The following DNER variants were observed in gnomAD, a reference collection of about 807,000 sequenced individuals.
DNER encodes delta and Notch-like epidermal growth factor-related receptor.
Under a neutral mutation model 78.2 loss-of-function variants are expected in DNER, and 33 were observed. The ratio of observed to expected loss-of-function variants is 0.42; its 90% CI spans 0.32 to 0.56. The LOEUF (loss-of-function observed/expected upper bound fraction) is 0.56, where lower values mean the gene tolerates loss of function less well. Among genes scored for constraint, DNER ranks in the 20% least tolerant of loss-of-function variants. The pLI is 0.11. For missense variants in DNER, 918 were observed against 975.3 expected (o/e 0.94, Z 0.78); for synonymous variants, 417 against 384.8 (o/e 1.08, Z -0.98).
rs1036666840 is a variant in DNER at position 229,358,788 on chromosome 2, T to C, written c.2103-137A>G. On this transcript the variant is annotated intron_variant, in intron 12 of 12. Coordinates refer to ENST00000341772, the MANE Select transcript of DNER (RefSeq NM_139072.4). ...TATTCTATAGCAAGCATAGAAACTT[T>C]AGACATCCTAATATTAACACTGAAT... 5 of 691,310 alleles carry C rather than the reference T, an allele frequency of 7.2e-6. No individual in the cohort carries two copies. The Admixed American group carries it at 1.2e-4, about 17-fold the overall frequency. 42.8% of individuals were successfully genotyped at this position (691,310 alleles called of 1,614,324 possible). A position where few individuals can be genotyped will look rare whatever the true frequency, so the allele number is the denominator to read the frequency against.
chr2:229,480,923 G>A (rs997806971), intron 6 of DNER, among the ~76,000 whole-genome samples: 2 of 152,234 alleles, frequency 1.3e-5, no homozygotes, highest in African/African-American at 4.8e-5. Flanking sequence ...ATATTGACAT[G>A]TCTGTGGGTT....
In DNER at chr2:229,591,573, T is replaced by A. The variant is rs370514985; in HGVS notation, c.585+7A>T. On this transcript the variant is annotated splice_region_variant and intron_variant, in intron 2 of 12. Coordinates refer to ENST00000341772, the MANE Select transcript of DNER (RefSeq NM_139072.4). The surrounding 1 kb of genome is among the most constrained non-coding windows in gnomAD (Gnocchi z 4.6). ...ATGTAAAAATGCACATGATATAACG[T>A]TCTCACCTCCACTTGATCCCATTTC... is the stretch of plus-strand genomic sequence containing the variant. The A allele has an allele frequency of 2.5e-6, 4 of 1,612,278 alleles. No individual in the cohort carries two copies. In the African/African-American group the frequency reaches 4.0e-5, roughly 16 times the overall value.
intron 8 of DNER, among the ~76,000 whole-genome samples, chr2:229,427,798 T>C (rs1415694869): frequency 6.6e-6 from 1 of 152,110 alleles, no homozygotes; most frequent in Non-Finnish European, 1.5e-5. Flanking sequence ...AACACTGGGC[T>C]GGGCATGGTG....
At chr2:229,433,148 C>T (rs796435203) in intron 8 of DNER, among the ~76,000 whole-genome samples, 6 of 152,312 alleles carry the variant, frequency 3.9e-5, no homozygotes, top group African/African-American at 1.4e-4. Flanking sequence ...CCATGTTGGT[C>T]AGGCTGGTCT....
intron 6 of DNER, among the ~76,000 whole-genome samples, chr2:229,488,415 CA>C (rs1695324350): frequency 6.6e-6 from 1 of 152,110 alleles, no homozygotes; most frequent in African/African-American, 2.4e-5. Flanking sequence ...GTGTTATGTG[CA>C]TGTGTGTATA....
At chr2:229,557,967 G>A (rs547741042) in intron 4 of DNER, among the ~76,000 whole-genome samples, 321 of 152,236 alleles carry the variant, frequency 2.1e-3, no homozygotes, top group Non-Finnish European at 3.4e-3. Flanking sequence ...GCAAAGACAT[G>A]AAATCAGCCT....
rs1243901837 is a variant in DNER at position 229,714,159 on chromosome 2, C to A, written c.265G>T (p.Ala89Ser). 2.3e-6 allele frequency: 3 copies of A among 1,320,444 alleles called. No homozygotes were observed. The South Asian group carries it at 6.1e-5, about 27-fold the overall frequency. 81.8% of individuals were successfully genotyped at this position (1,320,444 alleles called of 1,614,324 possible). A position where few individuals can be genotyped will look rare whatever the true frequency, so the allele number is the denominator to read the frequency against. ...CCGCTTCCACTCACCTGGCAGTTGG[C>A]GCCGGAGATCCCGGCGGGGCAGGTG... is the stretch of plus-strand genomic sequence containing the variant. ...SCTCPAGISG[A>S]NCQLVADPCA... The change falls in exon 1 of 13, where the codon GCC becomes TCC. Residue 89 changes from alanine (A) to serine (S), a missense_variant. Coordinates refer to ENST00000341772, the MANE Select transcript of DNER (RefSeq NM_139072.4).
intron 11 of DNER, 126 bp downstream of exon 11, chr2:229,388,139 C>T: frequency 7.2e-7 from 1 of 1,383,098 alleles, no homozygotes; most frequent in South Asian, 1.5e-5. Flanking sequence ...CTCTGGGACT[C>T]ACTGCCTCAT....
At chr2:229,552,615 G>A (rs981969422) in intron 4 of DNER, among the ~76,000 whole-genome samples, 7 of 152,074 alleles carry the variant, frequency 4.6e-5, no homozygotes, top group African/African-American at 1.4e-4. Context: ...GCCACCATGC[G>A]AAGAAGGACA....
rs912940519 is a variant in DNER, at chr2:229,500,332, G to A, written c.1147+12451C>T. ...TCAGGGAAGTGTCAATTAAAACCAC[G>A]ATGAGATATCAAGTCACACCTGTCA... On this transcript the variant is annotated intron_variant, in intron 6 of 12. Coordinates refer to ENST00000341772, the MANE Select transcript of DNER (RefSeq NM_139072.4). Among the ~76,000 whole-genome samples the A allele has an allele frequency of 3.3e-5, 5 of 152,242 alleles. No homozygotes were observed. In the East Asian group the frequency reaches 7.7e-4, roughly 23 times the overall value.
At chr2:229,397,677 C>T (rs148124294) in intron 10 of DNER, among the ~76,000 whole-genome samples, 38 of 152,196 alleles carry the variant, frequency 2.5e-4, no homozygotes, top group Admixed American at 6.5e-4. Context: ...GTAGAGTGTT[C>T]TCTCACCGTA....
intron 1 of DNER, among the ~76,000 whole-genome samples, chr2:229,668,520 G>A (rs1699140547): frequency 6.1e-5 from 3 of 49,418 alleles, no homozygotes; most frequent in African/African-American, 4.5e-4. Context: ...GTAAGTATGT[G>A]TGTGTGTGTG....
intron 10 of DNER, among the ~76,000 whole-genome samples, chr2:229,396,052 A>G (rs1574824330): frequency 6.6e-6 from 1 of 152,326 alleles, no homozygotes; most frequent in East Asian, 1.9e-4. Context: ...GTTTCACCTA[A>G]GAGTCATGTC....
rs773374942 is a variant in DNER at position 229,388,320 on chromosome 2, G to A, written c.1800C>T (p.Pro600=). ...GCGGGCAGTGGCAGTTATAACCATT[G>A]GGCTGGTCCAGGCAGCTCCCACCAT... ...CHHGGSCLDQ[P]NGYNCHCPHG... Residue 600 remains proline, a synonymous_variant, in exon 11 of 13, where the codon CCC becomes CCT. Transcript: ENST00000341772. The A allele has an allele frequency of 3.1e-6, 5 of 1,611,444 alleles. No individual in the cohort carries two copies. The Admixed American group carries it at 8.4e-5, about 27-fold the overall frequency.
rs1008845195 is a variant in DNER, at chr2:229,698,891, A to C, written c.276+15257T>G. ...AATTCCCTTTTGCACAACCAAAAAAACCAATGGCCAATTTTAAAGAGTAAA... is the reference window on the plus strand; with the variant it reads ...AATTCCCTTTTGCACAACCAAAAAACCCAATGGCCAATTTTAAAGAGTAAA... On this transcript the variant is annotated intron_variant, in intron 1 of 12. Transcript: ENST00000341772. 2.6e-5 allele frequency among the ~76,000 whole-genome samples: 4 copies of C among 152,150 alleles called. No individual in the cohort carries two copies. In the East Asian group the frequency reaches 7.7e-4, roughly 29 times the overall value.
chr2:229,610,974 G>A (rs1356775792), intron 1 of DNER, among the ~76,000 whole-genome samples: 2 of 152,226 alleles, frequency 1.3e-5, no homozygotes, highest in African/African-American at 4.8e-5. Flanking sequence ...CTAGCTAGAA[G>A]TAGTTCATTG....
intron 4 of DNER, among the ~76,000 whole-genome samples, chr2:229,553,116 A>C (rs968794542): frequency 6.6e-6 from 1 of 152,196 alleles, no homozygotes; most frequent in African/African-American, 2.4e-5. Flanking sequence ...TAGGGCAAAA[A>C]ATAAAGCAAG....
At chr2:229,480,202 G>A (rs1695126485) in intron 6 of DNER, among the ~76,000 whole-genome samples, 2 of 152,198 alleles carry the variant, frequency 1.3e-5, no homozygotes, top group Non-Finnish European at 2.9e-5. Flanking sequence ...TAAACCTCAT[G>A]TGTCCATCAC....
At chr2:229,461,534 C>T (rs75507549) in intron 7 of DNER, among the ~76,000 whole-genome samples, 1,596 of 151,762 alleles carry the variant, frequency 0.011, 34 homozygotes, top group African/African-American at 0.037. Flanking sequence ...CATTTAACCT[C>T]CAAAATATGA....
Sources: allele counts gnomAD v4.1 joint callset (sites outside exome capture counted in the v4.1 genomes callset), GRCh38; gene constraint gnomAD v4.1.1; non-coding constraint Gnocchi (gnomAD v3.1); transcripts MANE v1.5; gene names NCBI Gene and HGNC (gene_info 2026-07-23, HGNC 2026-07-21).